GRID1: variants seen among roughly 807,000 people sequenced by gnomAD.
The protein encoded by GRID1 is glutamate ionotropic receptor delta type subunit 1.
GRID1 carries 28 observed loss-of-function variants against 98.0 expected under a neutral mutation model. That is an observed-to-expected ratio of 0.29 (90% CI 0.21 to 0.39). The LOEUF is 0.39. Ranked by LOEUF, GRID1 falls within the 10% of genes least tolerant of loss-of-function variation. GRID1 has a pLI of 1.00. For synonymous variants in GRID1, 553 were observed against 538.5 expected, an observed-to-expected ratio of 1.03 and a Z score of -0.37; for missense variants, 1,111 against 1,340.5, an observed-to-expected ratio of 0.83 and a Z score of 2.67.
intron 4 of GRID1, among the ~76,000 whole-genome samples, chr10:86,114,611 C>T (rs1844545160): frequency 6.6e-6 from 1 of 152,178 alleles, no homozygotes; most frequent in African/African-American, 2.4e-5. Flanking sequence ...CCTCAGACTG[C>T]AGACCTGCCA....
At chr10:85,893,192 T>C (rs950089226) in intron 5 of GRID1, among the ~76,000 whole-genome samples, 7 of 152,074 alleles carry the variant, frequency 4.6e-5, no homozygotes, top group Non-Finnish European at 1.0e-4. Context: ...TCCAATTATG[T>C]TAAAAACTCT....
At chr10:86,154,082 C>A (rs1277577125) in intron 3 of GRID1, among the ~76,000 whole-genome samples, 1 of 152,148 alleles carries the variant, frequency 6.6e-6, no homozygotes, top group African/African-American at 2.4e-5. Context: ...GAGGAAGGTG[C>A]AGACAACTGG....
At chr10:85,980,383 T>C (rs1842530035) in intron 4 of GRID1, among the ~76,000 whole-genome samples, 1 of 152,208 alleles carries the variant, frequency 6.6e-6, no homozygotes, top group Non-Finnish European at 1.5e-5. Context: ...CAGTAGGAGT[T>C]TTAGATACAA....
At chr10:86,024,469 T>C (rs1338629682) in intron 4 of GRID1, among the ~76,000 whole-genome samples, 3 of 152,262 alleles carry the variant, frequency 2.0e-5, no homozygotes, top group East Asian at 1.9e-4. Flanking sequence ...ACAACTTCAA[T>C]TGGCCTAAAA....
chr10:86,021,058 G>A (rs1037586519), intron 4 of GRID1, among the ~76,000 whole-genome samples: 1 of 151,596 alleles, frequency 6.6e-6, no homozygotes, highest in Non-Finnish European at 1.5e-5. Flanking sequence ...CTGCCTGCCT[G>A]CCTGCCTGCC....
chr10:85,756,166 T>G (rs541461560), intron 8 of GRID1, among the ~76,000 whole-genome samples: 35 of 152,300 alleles, frequency 2.3e-4, no homozygotes, highest in African/African-American at 7.2e-4. Context: ...TCCCATAAAT[T>G]TAATCCCCTT....
Position 85,602,406 on chromosome 10 carries a change from C to A in GRID1, c.2897G>T (p.Cys966Phe). 1 of 1,613,878 alleles carries A rather than the reference C, an allele frequency of 6.2e-7. No homozygotes were observed. The highest frequency in any genetic ancestry group is 8.5e-7 in the Non-Finnish European group (1 of 1,179,862). The change falls in exon 16 of 16, where the codon TGC becomes TTC. Residue 966 changes from cysteine to phenylalanine, a missense_variant. Physicochemically the swap from Cys to Phe is radical, Grantham distance 205. Around this residue, in one of 3 missense-constraint regions of GRID1, gnomAD observed 762 missense variants for 869.1 expected, o/e 0.88. Coordinates refer to ENST00000327946, the MANE Select transcript of GRID1 (RefSeq NM_017551.3). ...SSSATMPSMQ[C>F]KHRSPNGGLF... The stretch of plus-strand genomic sequence containing the variant: ...CCCCCCGTTGGGTGACCTGTGTTTG[C>A]ACTGCATGGAGGGCATGGTCGCCGA...
intron 2 of GRID1, among the ~76,000 whole-genome samples, chr10:86,343,386 A>G (rs1848338494): frequency 6.6e-6 from 1 of 152,246 alleles, no homozygotes; most frequent in African/African-American, 2.4e-5. Context: ...TTTAAATCCA[A>G]TTATAAGAAG....
At chr10:85,772,474 G>C (rs527339437) in intron 8 of GRID1, among the ~76,000 whole-genome samples, 2 of 151,390 alleles carry the variant, frequency 1.3e-5, no homozygotes, top group Admixed American at 1.3e-4. Context: ...ACTAAAATCA[G>C]AGCAGAACTG....
intron 12 of GRID1, chr10:85,648,178 G>A (rs554780314): frequency 6.6e-6 from 1 of 152,362 alleles, no homozygotes; most frequent in African/African-American, 2.4e-5. Context: ...GCTCCAGCCA[G>A]GTGCACATTT....
intron 8 of GRID1, among the ~76,000 whole-genome samples, chr10:85,787,887 G>A (rs1842443943): frequency 6.6e-6 from 1 of 152,004 alleles, no homozygotes; most frequent in African/African-American, 2.4e-5. Flanking sequence ...CTGCTCCTGG[G>A]ACTGAGAAGG....
chr10:86,076,012 A>G (rs76839319), intron 4 of GRID1, among the ~76,000 whole-genome samples: 1,581 of 152,300 alleles, frequency 0.01, 23 homozygotes, highest in African/African-American at 0.036. Flanking sequence ...GGTGCTTAGT[A>G]AAGTTTTAAA....
At chr10:86,249,682 C>T (rs1371881788) in intron 2 of GRID1, among the ~76,000 whole-genome samples, 3 of 152,160 alleles carry the variant, frequency 2.0e-5, no homozygotes, top group East Asian at 1.9e-4. Flanking sequence ...GTCCCTTCTT[C>T]CTGAAACTCC....
At chr10:86,054,171 GA>G (rs1843542348) in intron 4 of GRID1, among the ~76,000 whole-genome samples, 1 of 151,768 alleles carries the variant, frequency 6.6e-6, no homozygotes, top group African/African-American at 2.4e-5. Context: ...GCAGGCAAAA[GA>G]GCAACTCTGA....
At position 85,843,990 on chromosome 10, in the gene GRID1, G is replaced by T. The variant is rs148913042; in HGVS notation, c.1233+10506C>A. 1.1e-3 allele frequency among the ~76,000 whole-genome samples: 172 copies of T among 152,124 alleles called. 1 individual carries two copies. In the East Asian group the frequency reaches 0.029, roughly 25 times the overall value. The stretch of plus-strand genomic sequence containing the variant: ...GCTCATAGTGGCTTTATTCATAACT[G>T]CCCTAACTGCAAATAATTCAGATGT... On this transcript the variant is annotated intron_variant, in intron 8 of 15. Coordinates refer to ENST00000327946, the MANE Select transcript of GRID1 (RefSeq NM_017551.3).
At chr10:85,760,233 GT>G (rs1417208293) in intron 8 of GRID1, among the ~76,000 whole-genome samples, 1 of 152,176 alleles carries the variant, frequency 6.6e-6, no homozygotes, top group Admixed American at 6.5e-5. Context: ...ACCATCAGTT[GT>G]TTTTGACCTA....
intron 12 of GRID1, among the ~76,000 whole-genome samples, chr10:85,667,510 C>A (rs964232643): frequency 6.6e-5 from 10 of 152,310 alleles, no homozygotes; most frequent in Admixed American, 5.2e-4. Context: ...TATTATTATT[C>A]TCAGTCTACA....
intron 12 of GRID1, among the ~76,000 whole-genome samples, chr10:85,694,129 A>G (rs573690196): frequency 6.6e-6 from 1 of 152,310 alleles, no homozygotes; most frequent in Admixed American, 6.5e-5. Flanking sequence ...ATGAACAAAC[A>G]CTTTTCAAAA....
At chr10:85,671,001 A>C (rs1463452156) in intron 12 of GRID1, among the ~76,000 whole-genome samples, 3 of 152,138 alleles carry the variant, frequency 2.0e-5, no homozygotes, top group Non-Finnish European at 2.9e-5. Context: ...TTCTAAAACC[A>C]GCTCACCTCC....
Sources: allele counts gnomAD v4.1 joint callset (sites outside exome capture counted in the v4.1 genomes callset), GRCh38; gene constraint gnomAD v4.1.1; regional missense constraint gnomAD v4.1.1; transcripts MANE v1.5; gene names NCBI Gene and HGNC (gene_info 2026-07-23, HGNC 2026-07-21).